The following CPPED1 variants were observed in gnomAD, a reference collection of about 807,000 sequenced individuals.
The protein encoded by CPPED1 is calcineurin like phosphoesterase domain containing 1.
A neutral mutation model predicts 28.0 loss-of-function variants in CPPED1; 28 were observed. That is an observed-to-expected ratio of 1.00 (90% CI 0.74 to 1.37). The LOEUF is 1.37. Among genes scored for constraint, CPPED1 ranks in the 40% most tolerant of loss-of-function variants. The pLI, the probability that CPPED1 is intolerant of heterozygous loss-of-function variation, is 0.00. For synonymous variants in CPPED1, 198 were observed against 180.2 expected (o/e 1.10, Z -0.79); for missense variants, 504 against 416.5 (o/e 1.21, Z -1.83).
chr16:12,713,435 G>A (rs931680136), intron 2 of CPPED1, among the ~76,000 whole-genome samples: 2 of 151,966 alleles, frequency 1.3e-5, no homozygotes, highest in African/African-American at 4.8e-5. Context: ...GCGCAATCTC[G>A]GCTTGCTGCA....
At chr16:12,776,296 G>C (rs1185771891) in intron 2 of CPPED1, among the ~76,000 whole-genome samples, 1 of 152,170 alleles carries the variant, frequency 6.6e-6, no homozygotes, top group Non-Finnish European at 1.5e-5. Flanking sequence ...GCAGGTTCTT[G>C]TTGGACTTCT....
At chr16:12,755,875 G>A (rs977328771) in intron 2 of CPPED1, among the ~76,000 whole-genome samples, 1 of 152,138 alleles carries the variant, frequency 6.6e-6, no homozygotes, top group Admixed American at 6.5e-5. Context: ...GCTCACGCCT[G>A]TAAACCCAGC....
intron 3 of CPPED1, among the ~76,000 whole-genome samples, chr16:12,693,654 A>AAGT (rs770017034): frequency 6.6e-5 from 10 of 152,250 alleles, no homozygotes; most frequent in Non-Finnish European, 1.2e-4. Context: ...AATGTCTTTT[A>AAGT]AGTGAAGGCA....
intron 2 of CPPED1, among the ~76,000 whole-genome samples, chr16:12,761,903 C>G (rs1323354039): frequency 1.3e-5 from 2 of 151,952 alleles, no homozygotes; most frequent in Non-Finnish European, 2.9e-5. Context: ...TCCAGCTACT[C>G]ACTCGGGAGG....
Position 12,724,467 on chromosome 16 carries a change from G to A in CPPED1, c.290-19418C>T, listed in dbSNP as rs1262352259. Among the ~76,000 whole-genome samples, 4 of 152,178 alleles carry A rather than the reference G, an allele frequency of 2.6e-5. No individual in the cohort carries two copies. In the East Asian group the frequency reaches 7.7e-4, roughly 29 times the overall value. Reference sequence around the variant, plus strand: ...GCAATCCATTATCGCGCAGCTGCCAGCAGTGGCTCTTTCAGCTGTCACCAG... The same window carrying A: ...GCAATCCATTATCGCGCAGCTGCCAACAGTGGCTCTTTCAGCTGTCACCAG... On this transcript the variant is annotated intron_variant, in intron 2 of 3. Coordinates refer to ENST00000381774, the MANE Select transcript of CPPED1 (RefSeq NM_018340.3).
chr16:12,751,785 T>G (rs1463821223), intron 2 of CPPED1, among the ~76,000 whole-genome samples: 1 of 152,234 alleles, frequency 6.6e-6, no homozygotes, highest in East Asian at 1.9e-4. Context: ...GATGCATGTG[T>G]ATGCGTTATA....
intron 3 of CPPED1, 77 bp downstream of exon 3, chr16:12,704,547 G>C (rs1467328349): frequency 7.0e-7 from 1 of 1,435,398 alleles, no homozygotes; most frequent in Non-Finnish European, 9.5e-7. Flanking sequence ...ACATTGCAGA[G>C]AGACGGGAGA....
chr16:12,697,154 A>G (rs1025676314), intron 3 of CPPED1, among the ~76,000 whole-genome samples: 3 of 152,000 alleles, frequency 2.0e-5, no homozygotes, highest in African/African-American at 7.2e-5. Flanking sequence ...CCTCCCAAGT[A>G]GCTAGGACTA....
intron 1 of CPPED1, among the ~76,000 whole-genome samples, chr16:12,785,585 A>C (rs1415132431): frequency 6.6e-6 from 1 of 151,888 alleles, no homozygotes; most frequent in Non-Finnish European, 1.5e-5. Flanking sequence ...GCAGCACCAC[A>C]CCTGATTAAT....
chr16:12,768,499 C>A (rs1204527971), intron 2 of CPPED1, among the ~76,000 whole-genome samples: 1 of 152,168 alleles, frequency 6.6e-6, no homozygotes, highest in Non-Finnish European at 1.5e-5. Context: ...ATTAAAGGTA[C>A]AGTTTCACCA....
At chr16:12,712,465 A>G (rs574648928) in intron 2 of CPPED1, among the ~76,000 whole-genome samples, 20 of 152,372 alleles carry the variant, frequency 1.3e-4, no homozygotes, top group African/African-American at 4.8e-4. Flanking sequence ...TTTATCCTAC[A>G]GACACATACA....
rs572789532 is a variant in CPPED1 at position 12,794,264 on chromosome 16, T to C, written c.70+9443A>G. On this transcript the variant is annotated intron_variant, in intron 1 of 3. Coordinates refer to ENST00000381774, the MANE Select transcript of CPPED1 (RefSeq NM_018340.3). ...TTGGATTAAGGAAAATGTTCTAAAA[T>C]TGATTGTGATGGTTGTACACCTCTG... 3.9e-5 allele frequency among the ~76,000 whole-genome samples: 6 copies of C among 152,184 alleles called. No individual in the cohort carries two copies. In the South Asian group the frequency reaches 8.3e-4, roughly 21 times the overall value.
chr16:12,682,672 C>T lies in CPPED1; in HGVS notation c.716-17557G>A, dbSNP rs563975002. Among the ~76,000 whole-genome samples, 1 of 152,240 alleles carries T rather than the reference C, an allele frequency of 6.6e-6. No individual in the cohort carries two copies. The highest frequency in any genetic ancestry group is 1.5e-5 in the Non-Finnish European group (1 of 68,040). On this transcript the variant is annotated intron_variant, in intron 3 of 3. Coordinates refer to ENST00000381774, the MANE Select transcript of CPPED1 (RefSeq NM_018340.3). The surrounding 1 kb of genome is among the most constrained non-coding windows in gnomAD (Gnocchi z 6.1). ...AATCAGGGACACGCCCTGGGTGGCA[C>T]AGCAGGAAGCTGCGTGTCTTGTACT...
At chr16:12,747,181 G>C (rs979765811) in intron 2 of CPPED1, among the ~76,000 whole-genome samples, 1 of 151,998 alleles carries the variant, frequency 6.6e-6, no homozygotes, top group African/African-American at 2.4e-5. Flanking sequence ...TGTAATCCCA[G>C]CATTTTGGGA....
intron 1 of CPPED1, among the ~76,000 whole-genome samples, chr16:12,792,921 C>T (rs944213434): frequency 6.6e-6 from 1 of 152,074 alleles, no homozygotes; most frequent in Non-Finnish European, 1.5e-5. Flanking sequence ...AGCATGAGAA[C>T]GGATTAGTAC....
chr16:12,783,853 G>C (rs1394344969), intron 1 of CPPED1, among the ~76,000 whole-genome samples: 1 of 152,166 alleles, frequency 6.6e-6, no homozygotes, highest in Non-Finnish European at 1.5e-5. Context: ...TCTGAACAAA[G>C]GCTGCATGAA....
chr16:12,702,781 T>A (rs892556256), intron 3 of CPPED1, among the ~76,000 whole-genome samples: 6 of 151,868 alleles, frequency 4.0e-5, no homozygotes, highest in African/African-American at 1.5e-4. Flanking sequence ...GTGGATCACC[T>A]GACGTCAGAA....
chr16:12,710,110 C>CA (rs1347196137), intron 2 of CPPED1, among the ~76,000 whole-genome samples: 3 of 151,960 alleles, frequency 2.0e-5, no homozygotes, highest in Non-Finnish European at 4.4e-5. Flanking sequence ...AAATAATCTA[C>CA]AAAAAACAAA....
intron 2 of CPPED1, among the ~76,000 whole-genome samples, chr16:12,745,398 T>C (rs1042867346): frequency 1.5e-4 from 23 of 152,082 alleles, no homozygotes; most frequent in Admixed American, 1.3e-4. Flanking sequence ...CTGTTCACAA[T>C]AGAAAAGACA....
Sources: allele counts gnomAD v4.1 joint callset (sites outside exome capture counted in the v4.1 genomes callset), GRCh38; gene constraint gnomAD v4.1.1; non-coding constraint Gnocchi (gnomAD v3.1); transcripts MANE v1.5; gene names NCBI Gene and HGNC (gene_info 2026-07-23, HGNC 2026-07-21).